Variants in ZFHX4 observed in about 807,000 individuals in gnomAD.
The protein encoded by ZFHX4 is zinc finger homeobox 4, also known as zinc finger homeobox protein 4.
ZFHX4 carries 56 observed loss-of-function variants against 267.6 expected under a neutral mutation model. That is an observed-to-expected ratio of 0.21 (90% CI 0.17 to 0.26). ZFHX4 has a LOEUF of 0.26. Ranked by LOEUF, ZFHX4 falls within the 10% of genes least tolerant of loss-of-function variation. The probability of loss-of-function intolerance (pLI) is 1.00; values close to 1 mark genes in which losing one functional copy is unlikely to be tolerated. For synonymous variants in ZFHX4, 1,778 were observed against 1,665.6 expected, an observed-to-expected ratio of 1.07 and a Z score of -1.64; for missense variants, 4,332 against 4,420.0, an observed-to-expected ratio of 0.98 and a Z score of 0.56.
chr8:76,776,273 GA>G (rs143652714), intron 3 of ZFHX4, among the ~76,000 whole-genome samples: 4,048 of 150,232 alleles, frequency 0.027, 83 homozygotes, highest in Non-Finnish European at 0.037. Context: ...ATTTACATGA[GA>G]AAAAAAAAGG....
At chr8:76,681,646 G>C (rs973275733) in intron 1 of ZFHX4, 26 bp downstream of exon 1, 32 of 393,850 alleles carry the variant, frequency 8.1e-5, no homozygotes, top group Non-Finnish European at 1.4e-4. Context: ...AACTTTTATT[G>C]AGTAGTTTCT....
chr8:76,706,516 C>T lies in ZFHX4; in HGVS notation c.2428C>T (p.His810Tyr). The T allele has an allele frequency of 1.9e-6, 3 of 1,613,760 alleles. No individual in the cohort carries two copies. The highest frequency in any genetic ancestry group is 2.5e-6 in the Non-Finnish European group (3 of 1,179,798). The change falls in exon 2 of 11, where the codon CAC becomes TAC. Residue 810 changes from histidine (H) to tyrosine (Y), a missense_variant. Around this residue, in one of 7 missense-constraint regions of ZFHX4, gnomAD observed 1,195 missense variants for 1,173.6 expected, o/e 1.02. Coordinates refer to ENST00000651372, the MANE Select transcript of ZFHX4 (RefSeq NM_024721.5). ...QNMKQIQHNL[H>Y]LGLAPAEAEL... is the part of the protein sequence containing the mutation. ...CATGAAGCAGATCCAGCATAATCTG[C>T]ACTTGGGCCTCGCCCCGGCGGAAGC...
At chr8:76,752,029 C>T (rs1809626567) in intron 3 of ZFHX4, among the ~76,000 whole-genome samples, 1 of 151,950 alleles carries the variant, frequency 6.6e-6, no homozygotes, top group Non-Finnish European at 1.5e-5. Flanking sequence ...TGTATATATT[C>T]CCATGAAAAT....
intron 1 of ZFHX4, among the ~76,000 whole-genome samples, chr8:76,688,132 G>A (rs575093017): frequency 1.3e-5 from 2 of 152,284 alleles, no homozygotes; most frequent in African/African-American, 2.4e-5. Context: ...TCAGAAACAT[G>A]CCAGGCTAGC....
intron 3 of ZFHX4, among the ~76,000 whole-genome samples, chr8:76,767,046 T>G (rs1459942714): frequency 1.3e-4 from 9 of 69,574 alleles, no homozygotes; most frequent in East Asian, 1.2e-3. Flanking sequence ...CATAAAGGGG[T>G]GTGTGTGTGT....
chr8:76,833,640 C>T (rs1811997150), intron 5 of ZFHX4: 1 of 428,280 alleles, frequency 2.3e-6, no homozygotes, highest in Non-Finnish European at 4.3e-6. Flanking sequence ...CCCCAATACC[C>T]TCTCCCCTGA....
intron 4 of ZFHX4, among the ~76,000 whole-genome samples, chr8:76,829,298 GGAA>G (rs1414656896): frequency 6.7e-6 from 1 of 149,812 alleles, no homozygotes; most frequent in Admixed American, 6.7e-5. Context: ...GGGTAGGAGC[GGAA>G]GATTTGCCAG....
At chr8:76,788,839 G>T (rs1044866905) in intron 4 of ZFHX4, among the ~76,000 whole-genome samples, 1 of 152,170 alleles carries the variant, frequency 6.6e-6, no homozygotes, top group African/African-American at 2.4e-5. Flanking sequence ...GCCATACTAA[G>T]TAAATTGTTT....
chr8:76,702,454 C>T (rs900714932), intron 1 of ZFHX4, among the ~76,000 whole-genome samples: 3 of 152,078 alleles, frequency 2.0e-5, no homozygotes, highest in African/African-American at 7.2e-5. Flanking sequence ...TGCCAGTGAC[C>T]TTCACTGATG....
chr8:76,774,766 T>A (rs1395368302), intron 3 of ZFHX4, among the ~76,000 whole-genome samples: 1 of 152,160 alleles, frequency 6.6e-6, no homozygotes, highest in African/African-American at 2.4e-5. Flanking sequence ...TTTAGAAATT[T>A]GAAAAATTTA....
At chr8:76,862,118 T>TCAGTTTCCCAGCCAAGGA (rs1812885081) in intron 10 of ZFHX4, among the ~76,000 whole-genome samples, 2 of 152,228 alleles carry the variant, frequency 1.3e-5, no homozygotes, top group African/African-American at 4.8e-5. Context: ...GAGCTGTCCT[T>TCAGTTTCCCAGCCAAGGA]CAGTTTCCCA....
rs559931676 is a variant in ZFHX4, at chr8:76,850,332, G to C, written c.3934G>C (p.Val1312Leu). 1.2e-6 allele frequency: 2 copies of C among 1,612,550 alleles called. No homozygotes were observed. The highest frequency in any genetic ancestry group is 1.7e-5 in the Admixed American group (1 of 59,864). Reference protein sequence around the residue: ...EKSERDTPAAVTAEGSGKYSG... With the variant: ...EKSERDTPAALTAEGSGKYSG... Reference sequence around the variant, plus strand: ...ATCAGAGCGGGACACACCTGCAGCCGTGACAGCTGAGGGGTCTGGGAAATA... The same window carrying C: ...ATCAGAGCGGGACACACCTGCAGCCCTGACAGCTGAGGGGTCTGGGAAATA... The change falls in exon 9 of 11, where the codon GTG (valine) becomes CTG (leucine). Residue 1312 changes from valine to leucine, a missense_variant. Around this residue, in one of 7 missense-constraint regions of ZFHX4, gnomAD observed 1,371 missense variants for 1,423.1 expected, o/e 0.96. Transcript: ENST00000651372.
At chr8:76,697,406 T>C (rs1250732947) in intron 1 of ZFHX4, among the ~76,000 whole-genome samples, 2 of 152,062 alleles carry the variant, frequency 1.3e-5, no homozygotes, top group Non-Finnish European at 2.9e-5. Flanking sequence ...ATTTTTTAAA[T>C]GTTCTTATGT....
chr8:76,819,772 A>G (rs567349713), intron 4 of ZFHX4, among the ~76,000 whole-genome samples: 2 of 152,328 alleles, frequency 1.3e-5, no homozygotes, highest in Admixed American at 6.5e-5. Context: ...GCCTCACCCT[A>G]TTACATTCTA....
intron 3 of ZFHX4, among the ~76,000 whole-genome samples, chr8:76,732,141 C>T (rs1254957789): frequency 6.6e-6 from 1 of 151,954 alleles, no homozygotes; most frequent in African/African-American, 2.4e-5. Context: ...CACACCTGAC[C>T]ATGATCACAT....
chr8:76,772,777 T>C (rs1411524534), intron 3 of ZFHX4, among the ~76,000 whole-genome samples: 1 of 152,174 alleles, frequency 6.6e-6, no homozygotes, highest in Non-Finnish European at 1.5e-5. Context: ...CCTTTTCCTT[T>C]AGTGCATTAG....
chr8:76,731,322 A>G (rs1026151834), intron 3 of ZFHX4, among the ~76,000 whole-genome samples: 8 of 152,276 alleles, frequency 5.3e-5, no homozygotes, highest in Admixed American at 1.3e-4. Flanking sequence ...AGTAGGGCAA[A>G]ACAGGAAGTG....
At chr8:76,709,227 T>G (rs1808358446) in intron 3 of ZFHX4, among the ~76,000 whole-genome samples, 1 of 152,204 alleles carries the variant, frequency 6.6e-6, no homozygotes, top group African/African-American at 2.4e-5. Context: ...TCTAGATAAA[T>G]GTACTGTGCA....
chr8:76,808,168 G>T (rs897902912), intron 4 of ZFHX4, among the ~76,000 whole-genome samples: 7 of 152,054 alleles, frequency 4.6e-5, no homozygotes, highest in Non-Finnish European at 1.0e-4. Flanking sequence ...TAGTGTTCTT[G>T]TTAGTCAATA....
Sources: allele counts gnomAD v4.1 joint callset (sites outside exome capture counted in the v4.1 genomes callset), GRCh38; gene constraint gnomAD v4.1.1; regional missense constraint gnomAD v4.1.1; transcripts MANE v1.5; gene names NCBI Gene and HGNC (gene_info 2026-07-23, HGNC 2026-07-21).